Variants in SPP2 observed in about 807,000 individuals in gnomAD.
The protein encoded by SPP2 is secreted phosphoprotein 2.
In SPP2, 34 loss-of-function variants were observed where a neutral mutation model predicts 28.8. The ratio of observed to expected loss-of-function variants is 1.18; its 90% CI spans 0.90 to 1.57. The LOEUF (loss-of-function observed/expected upper bound fraction) is 1.57, where lower values mean the gene tolerates loss of function less well. Ranked by LOEUF, SPP2 falls within the 40% of genes most tolerant of loss-of-function variation. SPP2 has a pLI of 0.00. For synonymous variants in SPP2, 96 were observed against 89.4 expected, an observed-to-expected ratio of 1.07 and a Z score of -0.42; for missense variants, 269 against 263.9, an observed-to-expected ratio of 1.02 and a Z score of -0.13.
chr2:234,058,809 A>T (rs1351162779), intron 2 of SPP2, 27 bp from the exon 3 acceptor site: 9 of 1,605,560 alleles, frequency 5.6e-6, no homozygotes, highest in Non-Finnish European at 6.8e-6. Flanking sequence ...TGCATTGATC[A>T]CACTCTGAAA....
At chr2:234,069,329 C>T (rs1243940429) in intron 6 of SPP2, among the ~76,000 whole-genome samples, 3 of 152,162 alleles carry the variant, frequency 2.0e-5, no homozygotes, top group Non-Finnish European at 2.9e-5. Flanking sequence ...GCCAATCCTG[C>T]CCCAATGTGG....
At chr2:234,067,135 G>A in intron 5 of SPP2, 89 bp from the exon 6 acceptor site, 1 of 1,225,756 alleles carries the variant, frequency 8.2e-7, no homozygotes, top group Non-Finnish European at 1.2e-6. Flanking sequence ...CTTTGCTTAA[G>A]AAGCATATTT....
intron 7 of SPP2, among the ~76,000 whole-genome samples, chr2:234,070,318 A>G (rs1459885019): frequency 1.3e-5 from 2 of 152,156 alleles, no homozygotes; most frequent in Non-Finnish European, 2.9e-5. Context: ...TCATCCATCT[A>G]AGCAACTGCC....
rs1181473550 is a variant in SPP2 at position 234,050,828 on chromosome 2, A to G, written c.42A>G (p.Ile14Met). Residue 14 changes from isoleucine (I) to methionine (M), a missense_variant, in exon 1 of 8, where the codon ATA becomes ATG. Ile to Met is a conservative substitution (Grantham distance 10, BLOSUM62 1). Transcript: ENST00000168148. ...AGAAGATGACGATGATGATGAAGAT[A>G]TTGATTATGTTTGCTCTTGGAATGA... ...RMEKMTMMMK[I>M]LIMFALGMNY... 1.2e-6 allele frequency: 2 copies of G among 1,614,076 alleles called. No individual in the cohort carries two copies. Among genetic ancestry groups the G allele is most frequent in the Non-Finnish European group, 1.7e-6 (2 of 1,179,950 alleles).
chr2:234,055,738 A>G (rs984640457), intron 2 of SPP2, among the ~76,000 whole-genome samples: 5 of 152,202 alleles, frequency 3.3e-5, no homozygotes, highest in Non-Finnish European at 7.3e-5. Context: ...TTTTATTCAT[A>G]TGAAGGTATA....
intron 7 of SPP2, among the ~76,000 whole-genome samples, chr2:234,070,449 CTTTA>C (rs1690741203): frequency 6.6e-6 from 1 of 152,138 alleles, no homozygotes; most frequent in Admixed American, 6.6e-5. Context: ...TGGATGTGTA[CTTTA>C]TTTATTATTT....
chr2:234,067,299 C>A, intron 6 of SPP2, 25 bp downstream of exon 6: 1 of 1,611,882 alleles, frequency 6.2e-7, no homozygotes. Context: ...TCCTGCTGTG[C>A]CACCAGACCC....
Position 234,060,579 on chromosome 2 carries a change from G to A in SPP2, c.444+100G>A. ...TTGCTGGGTAGCTGGATCATCACCT[G>A]GGCTTGGGGATGCCGAACTCTGCTG... On this transcript the variant is annotated intron_variant, in intron 4 of 7. Transcript: ENST00000168148. 3.3e-6 allele frequency: 3 copies of A among 908,076 alleles called. 1 individual carries two copies. Among genetic ancestry groups the A allele is most frequent in the Middle Eastern group, 6.1e-4 (2 of 3,296 alleles). The allele number at this position is 908,076 out of a possible 1,614,324, so 56.3% of individuals were successfully genotyped here.
At chr2:234,062,517 C>T (rs1693740624) in intron 4 of SPP2, among the ~76,000 whole-genome samples, 2 of 152,044 alleles carry the variant, frequency 1.3e-5, no homozygotes, top group Non-Finnish European at 2.9e-5. Context: ...TCGAGGTTGC[C>T]TGGCTCTATC....
In SPP2 at chr2:234,070,670, C is replaced by T. The variant is rs144976780; in HGVS notation, c.*10+647C>T. Among the ~76,000 whole-genome samples, 777 of 152,206 alleles carry T rather than the reference C, an allele frequency of 5.1e-3. 8 individuals are homozygous for T. Among genetic ancestry groups the T allele is most frequent in the African/African-American group, 0.017 (725 of 41,516 alleles). ...AGAGATAGCGTTTTACCATGTTAGC[C>T]AGGCTGGTTTCAAACTCCTGACCTC... On this transcript the variant is annotated intron_variant, in intron 7 of 7. Transcript: ENST00000168148.
chr2:234,070,802 C>T (rs1314411072), intron 7 of SPP2, among the ~76,000 whole-genome samples: 1 of 152,136 alleles, frequency 6.6e-6, no homozygotes, highest in Non-Finnish European at 1.5e-5. Flanking sequence ...GTATGATCTC[C>T]TTAGTTTAAT....
At chr2:234,058,792 T>C (rs577116345) in intron 2 of SPP2, 44 bp from the exon 3 acceptor site, 3 of 1,586,188 alleles carry the variant, frequency 1.9e-6, no homozygotes, top group African/African-American at 2.7e-5. Flanking sequence ...ATCATAAACT[T>C]CAGAAATGCA....
Position 234,058,963 on chromosome 2 carries a change from G to C in SPP2, c.333+5G>C, listed in dbSNP as rs1693664326. On this transcript the variant is annotated splice_donor_5th_base_variant and intron_variant, in intron 3 of 7. Coordinates refer to ENST00000168148, the MANE Select transcript of SPP2 (RefSeq NM_006944.3). Reference sequence around the variant, plus strand: ...TTCCAGAGGGACTACTATGTGGTAAGTGGGAGGAGACCCATCCCAGAAATG... The same window carrying C: ...TTCCAGAGGGACTACTATGTGGTAACTGGGAGGAGACCCATCCCAGAAATG... The C allele has an allele frequency of 6.2e-7, 1 of 1,610,982 alleles. No individual in the cohort carries two copies. Among genetic ancestry groups the C allele is most frequent in the South Asian group, 1.1e-5 (1 of 90,130 alleles).
chr2:234,055,142 T>TGAGAGA lies in SPP2; in HGVS notation c.211-3689_211-3684dup, dbSNP rs5839501. ...ATATAAATGGATGCATATGAATATATGAGAGAGAGACATTGAGAGAGACAG... is the reference window on the plus strand; with the variant it reads ...ATATAAATGGATGCATATGAATATATGAGAGAGAGAGAGAGACATTGAGAGAGACAG... On this transcript the variant is annotated intron_variant, in intron 2 of 7. Coordinates refer to ENST00000168148, the MANE Select transcript of SPP2 (RefSeq NM_006944.3). Among the ~76,000 whole-genome samples the TGAGAGA allele has an allele frequency of 2.0e-4, 30 of 151,916 alleles. No homozygotes were observed. In the East Asian group the frequency reaches 5.6e-3, roughly 29 times the overall value.
At chr2:234,054,180 G>C (rs888546039) in intron 2 of SPP2, among the ~76,000 whole-genome samples, 2 of 152,154 alleles carry the variant, frequency 1.3e-5, no homozygotes, top group Non-Finnish European at 2.9e-5. Flanking sequence ...GAGTCAGTGG[G>C]AGGGTCCTGA....
intron 2 of SPP2, among the ~76,000 whole-genome samples, chr2:234,054,801 G>A (rs1300926735): frequency 2.6e-5 from 4 of 152,156 alleles, no homozygotes; most frequent in Admixed American, 1.3e-4. Flanking sequence ...AACTGATCAT[G>A]GTGAGATGCT....
chr2:234,073,049 A>G (rs28903708), intron 7 of SPP2, among the ~76,000 whole-genome samples: 3,673 of 152,024 alleles, frequency 0.024, 140 homozygotes, highest in African/African-American at 0.084. Context: ...CACCACGCCC[A>G]GCTAATTTTT....
intron 7 of SPP2, among the ~76,000 whole-genome samples, chr2:234,075,769 A>G (rs1023104901): frequency 6.6e-5 from 10 of 151,884 alleles, no homozygotes; most frequent in Non-Finnish European, 1.5e-4. Flanking sequence ...ACTCCAATCA[A>G]TGGCAGCCTG....
intron 7 of SPP2, among the ~76,000 whole-genome samples, 200 bp from the exon 8 acceptor site, chr2:234,076,645 C>G (rs554218283): frequency 2.0e-5 from 3 of 152,232 alleles, no homozygotes; most frequent in East Asian, 3.9e-4. Flanking sequence ...TGTGGCCAAC[C>G]TACTCTTTTG....
Sources: allele counts gnomAD v4.1 joint callset (sites outside exome capture counted in the v4.1 genomes callset), GRCh38; gene constraint gnomAD v4.1.1; transcripts MANE v1.5; gene names NCBI Gene and HGNC (gene_info 2026-07-23, HGNC 2026-07-21).